The following ALOX15 variants were observed in gnomAD, a reference collection of about 807,000 sequenced individuals.
ALOX15 encodes arachidonate 15-lipoxygenase.
In ALOX15, 68 loss-of-function variants were observed where a neutral mutation model predicts 71.7. That is an observed-to-expected ratio of 0.95 (90% CI 0.78 to 1.16). The LOEUF is 1.16. ALOX15 is among the 50% of genes most tolerant of loss of function. The pLI is 0.00. For synonymous variants in ALOX15, 346 were observed against 333.3 expected (o/e 1.04, Z -0.42); for missense variants, 798 against 818.8 (o/e 0.97, Z 0.31).
At position 4,641,306 on chromosome 17, in the gene ALOX15, G is replaced by A. The variant is rs369566077; in HGVS notation, c.135+211C>T. Among the ~76,000 whole-genome samples the A allele has an allele frequency of 5.0e-3, 761 of 151,614 alleles. 6 individuals are homozygous for A. Among genetic ancestry groups the A allele is most frequent in the East Asian group, 0.034 (173 of 5,028 alleles). The stretch of plus-strand genomic sequence containing the variant: ...CATGCCCTCAATTCCAAGGAGATCG[G>A]GTAGCGGCAACATTTATTGAGCGCT... On this transcript the variant is annotated intron_variant, in intron 1 of 13. Transcript: ENST00000293761.
At chr17:4,640,155 G>T (rs3844439) in intron 1 of ALOX15, among the ~76,000 whole-genome samples, 4,785 of 108,304 alleles carry the variant, frequency 0.044, 117 homozygotes, top group Middle Eastern at 0.12. Flanking sequence ...GCATCTTGGA[G>T]CTGGAGCTCA....
At chr17:4,639,250 C>T (rs947748261) in intron 2 of ALOX15, 118 bp from the exon 3 acceptor site, 280 of 1,426,396 alleles carry the variant, frequency 2.0e-4, no homozygotes, top group Non-Finnish European at 2.6e-4. Flanking sequence ...CAGCATCACG[C>T]CCCTCCCCCA....
chr17:4,632,209 C>G lies in ALOX15; in HGVS notation c.1613G>C (p.Gly538Ala). The G allele has an allele frequency of 1.9e-6, 3 of 1,614,178 alleles. No individual in the cohort carries two copies. In the South Asian group the frequency reaches 3.3e-5, roughly 18 times the overall value. Reference protein sequence around the residue: ...FVTMCIFTCTGQHASVHLGQL... With the variant: ...FVTMCIFTCTAQHASVHLGQL... ...GCCCAGGTGCACAGAGGCGTGTTGGCCGGTGCAGGTGAAGATACACATGGT... is the reference window on the plus strand; with the variant it reads ...GCCCAGGTGCACAGAGGCGTGTTGGGCGGTGCAGGTGAAGATACACATGGT... Residue 538 changes from glycine (G) to alanine (A), a missense_variant, in exon 12 of 14, where the codon GGC becomes GCC. Physicochemically the swap from Gly to Ala is moderately conservative, Grantham distance 60. This residue lies in a region of ALOX15 where 490 missense variants were observed against 509.4 expected (regional missense o/e 0.96). Coordinates refer to ENST00000293761, the MANE Select transcript of ALOX15 (RefSeq NM_001140.5).
chr17:4,641,564 G>A lies in ALOX15; in HGVS notation c.88C>T (p.His30Tyr), dbSNP rs933012285. 6.2e-7 allele frequency: 1 copy of A among 1,613,492 alleles called. No individual in the cohort carries two copies. Among genetic ancestry groups the A allele is most frequent in the Admixed American group, 1.7e-5 (1 of 60,030 alleles). Residue 30 changes from histidine (H) to tyrosine (Y), a missense_variant, in exon 1 of 14, where the codon CAC (histidine) becomes TAC (tyrosine). This residue lies in a region of ALOX15 where 300 missense variants were observed against 283.1 expected (regional missense o/e 1.06). Coordinates refer to ENST00000293761, the MANE Select transcript of ALOX15 (RefSeq NM_001140.5). Reference protein sequence around the residue: ...NQVQLWLVGQHGEAALGKRLW... With the variant: ...NQVQLWLVGQYGEAALGKRLW... ...CGCTTCCCGAGCGCCGCCTCCCCGT[G>A]CTGGCCGACCAGCCACAGCTGCACC...
rs368607178 is a variant in ALOX15, at chr17:4,637,278, A to G, written c.808-20T>C. The G allele has an allele frequency of 1.9e-5, 30 of 1,596,664 alleles. No homozygotes were observed. The highest frequency in any genetic ancestry group is 1.7e-4 in the Middle Eastern group (1 of 6,020). ...GCCTCCCTGGGTGGGGGAAGAGGTC[A>G]AGGGCTGCTATCAACATAAAGCATC... On this transcript the variant is annotated intron_variant, in intron 6 of 13. Coordinates refer to ENST00000293761, the MANE Select transcript of ALOX15 (RefSeq NM_001140.5).
Position 4,641,606 on chromosome 17 carries a change from C to T in ALOX15, c.46G>A (p.Ala16Thr), listed in dbSNP as rs947163216. 5 of 1,613,888 alleles carry T rather than the reference C, an allele frequency of 3.1e-6. No homozygotes were observed. Among genetic ancestry groups the T allele is most frequent in the Non-Finnish European group, 4.2e-6 (5 of 1,180,038 alleles). ...IRVSTGASLY[A>T]GSNNQVQLWL... is the part of the protein sequence containing the mutation. ...AGCTGCACCTGGTTGTTGGAACCGGCATAGAGCGAGGCCCCAGTGGACACG... is the reference window on the plus strand; with the variant it reads ...AGCTGCACCTGGTTGTTGGAACCGGTATAGAGCGAGGCCCCAGTGGACACG... The change falls in exon 1 of 14, where the codon GCC becomes ACC. Residue 16 changes from alanine (A) to threonine (T), a missense_variant. By Grantham distance (58) the Ala-to-Thr change is moderately conservative. Around this residue, in one of 3 missense-constraint regions of ALOX15, gnomAD observed 300 missense variants for 283.1 expected, o/e 1.06. Transcript: ENST00000293761.
Position 4,641,539 on chromosome 17 carries a change from C to A in ALOX15, c.113G>T (p.Arg38Leu), listed in dbSNP as rs780352097. 2.5e-6 allele frequency: 4 copies of A among 1,613,150 alleles called. No individual in the cohort carries two copies. In the South Asian group the frequency reaches 4.4e-5, roughly 18 times the overall value. The change falls in exon 1 of 14, where the codon CGA becomes CTA. Residue 38 changes from arginine (R) to leucine (L), a missense_variant. Physicochemically the swap from Arg to Leu is moderately radical, Grantham distance 102. Transcript: ENST00000293761. ...CACCTTGCCCCGTGCGGGCCACAGTCGCTTCCCGAGCGCCGCCTCCCCGTG... is the reference window on the plus strand; with the variant it reads ...CACCTTGCCCCGTGCGGGCCACAGTAGCTTCCCGAGCGCCGCCTCCCCGTG... ...GQHGEAALGK[R>L]LWPARGKETE...
chr17:4,632,863 C>CGG lies in ALOX15; in HGVS notation c.1536_1537dup (p.Arg513ProfsTer65). The CGG allele has an allele frequency of 6.2e-7, 1 of 1,614,104 alleles. No homozygotes were observed. The highest frequency in any genetic ancestry group is 1.7e-5 in the Admixed American group (1 of 60,016). The stretch of plus-strand genomic sequence containing the variant: ...CTCAGGGCAGGGGCTCCTCTTACCT[C>CGG]GGTCCTGGGCCCCTTGCAGCCCGAT... On this transcript the variant is annotated frameshift_variant, in exon 11 of 14. Transcript: ENST00000293761. LOFTEE classifies it high-confidence loss of function.
At position 4,633,256 on chromosome 17, in the gene ALOX15, T is replaced by G. The variant is rs768519449; in HGVS notation, c.1308A>C (p.Leu436=). The change falls in exon 10 of 14, where the codon CTA becomes CTC. Residue 436 remains leucine, a synonymous_variant. Transcript: ENST00000293761. ...VQLLKQAGAF[L]TYSSFCPPDD... is the part of the protein sequence containing the mutation. ...CAGGGGGACAGAAGGAGCTGTAGGT[T>G]AGGAAGGCTCCAGCTTGCTTGAGCA... 1.2e-6 allele frequency: 2 copies of G among 1,614,148 alleles called. No homozygotes were observed. The highest frequency in any genetic ancestry group is 2.2e-5 in the South Asian group (2 of 91,072).
chr17:4,641,434 A>G (rs9906597), intron 1 of ALOX15, 83 bp downstream of exon 1: 1,537,219 of 1,537,866 alleles, frequency 1, 768,291 homozygotes, highest in Middle Eastern at 1. Context: ...GCCAGAGGCC[A>G]ACGGGGGCGC....
At chr17:4,633,705 C>T (rs1402889738) in intron 8 of ALOX15, among the ~76,000 whole-genome samples, 2 of 152,198 alleles carry the variant, frequency 1.3e-5, no homozygotes, top group African/African-American at 4.8e-5. Flanking sequence ...AAATATAAAT[C>T]GCCTTACTAT....
rs1397780131 is a variant in ALOX15 at position 4,632,951 on chromosome 17, T to C, written c.1450A>G (p.Lys484Glu). The stretch of plus-strand genomic sequence containing the variant: ...TCGTCTTTCACAGCCACGTCTGTCT[T>C]ATAGTGGAGACTCACGATTCCTTCC... Reference protein sequence around the residue: ...YVEGIVSLHYKTDVAVKDDPE... With the variant: ...YVEGIVSLHYETDVAVKDDPE... Residue 484 changes from lysine (K) to glutamate (E), a missense_variant, in exon 11 of 14, where the codon AAG becomes GAG. Transcript: ENST00000293761. The C allele has an allele frequency of 1.9e-6, 3 of 1,613,950 alleles. No individual in the cohort carries two copies. The highest frequency in any genetic ancestry group is 2.5e-6 in the Non-Finnish European group (3 of 1,180,002).
rs184302900 is a variant in ALOX15, at chr17:4,636,261, C to G, written c.952-293G>C. Among the ~76,000 whole-genome samples, 341 of 152,306 alleles carry G rather than the reference C, an allele frequency of 2.2e-3. 2 individuals carry two copies. Among genetic ancestry groups the G allele is most frequent in the African/African-American group, 7.9e-3 (328 of 41,562 alleles). ...TCCCACAGTGTGGACAAGATTCAAA[C>G]CACCTGCTTCCTCCATCCCACACTG... On this transcript the variant is annotated intron_variant, in intron 7 of 13. Coordinates refer to ENST00000293761, the MANE Select transcript of ALOX15 (RefSeq NM_001140.5).
At chr17:4,637,435 G>A (rs1243908486) in intron 6 of ALOX15, among the ~76,000 whole-genome samples, 177 bp from the exon 7 acceptor site, 5 of 151,318 alleles carry the variant, frequency 3.3e-5, no homozygotes, top group African/African-American at 7.3e-5. Context: ...GGGTCTTACC[G>A]TGCTGCCCAG....
chr17:4,638,780 A>T, intron 4 of ALOX15, 70 bp downstream of exon 4: 4 of 1,613,016 alleles, frequency 2.5e-6, no homozygotes, highest in Non-Finnish European at 3.4e-6. Context: ...AATGCAGTGC[A>T]GCCCATAAGC....
chr17:4,636,851 G>A (rs1239014646), intron 7 of ALOX15, among the ~76,000 whole-genome samples: 3 of 151,800 alleles, frequency 2.0e-5, no homozygotes, highest in South Asian at 2.1e-4. Flanking sequence ...TCCAAAGCTC[G>A]TGACACCCCA....
intron 8 of ALOX15, 21 bp from the exon 9 acceptor site, chr17:4,633,521 A>T (rs747328606): frequency 6.2e-7 from 1 of 1,600,956 alleles, no homozygotes; most frequent in South Asian, 1.1e-5. Context: ...AAACACAGGG[A>T]AGGGCAGAGT....
In ALOX15 at chr17:4,639,454, C is replaced by A. The variant is rs757072915; in HGVS notation, c.313G>T (p.Val105Phe). The part of the protein sequence containing the change: ...PCYRWVEGNG[V>F]LSLPEGTGRT... ...CCGGTGCCTTCAGGCAGGCTCAGGA[C>A]GCCGTTGCCCTCCACCCAGCGGTAA... The change falls in exon 2 of 14, where the codon GTC becomes TTC. Residue 105 changes from valine to phenylalanine, a missense_variant. Transcript: ENST00000293761. 5.6e-6 allele frequency: 9 copies of A among 1,613,488 alleles called. No homozygotes were observed. Among genetic ancestry groups the A allele is most frequent in the African/African-American group, 2.7e-5 (2 of 75,068 alleles).
Position 4,641,541 on chromosome 17 carries a change from C to T in ALOX15, c.111G>A (p.Lys37=), listed in dbSNP as rs755446288. ...CCTTGCCCCGTGCGGGCCACAGTCGCTTCCCGAGCGCCGCCTCCCCGTGCT... is the reference window on the plus strand; with the variant it reads ...CCTTGCCCCGTGCGGGCCACAGTCGTTTCCCGAGCGCCGCCTCCCCGTGCT... The part of the protein sequence containing the change: ...VGQHGEAALG[K]RLWPARGKET... The change falls in exon 1 of 14, where the codon AAG becomes AAA. Residue 37 remains lysine (K), a synonymous_variant. Transcript: ENST00000293761. The T allele has an allele frequency of 4.3e-6, 7 of 1,613,208 alleles. No individual in the cohort carries two copies. Among genetic ancestry groups the T allele is most frequent in the Non-Finnish European group, 5.1e-6 (6 of 1,179,924 alleles).
Sources: allele counts gnomAD v4.1 joint callset (sites outside exome capture counted in the v4.1 genomes callset), GRCh38; gene constraint gnomAD v4.1.1; regional missense constraint gnomAD v4.1.1; transcripts MANE v1.5; gene names NCBI Gene and HGNC (gene_info 2026-07-23, HGNC 2026-07-21).